Variants in TTN observed in about 807,000 individuals in gnomAD.
The protein encoded by TTN is titin.
Under a neutral mutation model 3,223.0 loss-of-function variants are expected in TTN, and 1,525 were observed. The observed-to-expected ratio is 0.47, with a 90% confidence interval of 0.45 to 0.49. TTN has a LOEUF of 0.49. Among genes scored for constraint, TTN ranks in the 20% least tolerant of loss-of-function variants. The pLI is 0.00. For missense variants in TTN, 40,786 were observed against 43,424.0 expected, an observed-to-expected ratio of 0.94 and a Z score of 5.40; for synonymous variants, 14,094 against 15,161.0, an observed-to-expected ratio of 0.93 and a Z score of 5.17.
intron 270 of TTN, 68 bp downstream of exon 270, chr2:178,610,925 G>T: frequency 1.3e-6 from 2 of 1,575,634 alleles, no homozygotes; most frequent in Non-Finnish European, 8.6e-7. Flanking sequence ...ATTATTAATA[G>T]CACTGCAAAG....
rs1324222809 is a variant in TTN, at chr2:178,534,325, A to G, written c.102290T>C (p.Leu34097Pro). Residue 34097 changes from leucine to proline, a missense_variant, in exon 358 of 363, where the codon CTG becomes CCG. By Grantham distance (98) the Leu-to-Pro change is moderately conservative. Transcript: ENST00000589042. Reference sequence around the variant, plus strand: ...AACCATGTTGAGGTCTTTCTTGATCAGGGTGTGGTAATAACGCCGGTGTTT... The same window carrying G: ...AACCATGTTGAGGTCTTTCTTGATCGGGGTGTGGTAATAACGCCGGTGTTT... ...TLKHRRYYHT[L>P]IKKDLNMVVS... The G allele has an allele frequency of 3.1e-6, 5 of 1,613,378 alleles. No homozygotes were observed. The highest frequency in any genetic ancestry group is 4.2e-6 in the Non-Finnish European group (5 of 1,179,842).
chr2:178,776,108 C>T lies in TTN; in HGVS notation c.5756G>A (p.Gly1919Asp). The change falls in exon 28 of 363, where the codon GGT becomes GAT. Residue 1919 changes from glycine (G) to aspartate (D), a missense_variant. Coordinates refer to ENST00000589042, the MANE Select transcript of TTN (RefSeq NM_001267550.2). ...EVKVTAENPE[G>D]VIEHKVKLEI... ...AAGCTTCACTTTATGCTCTATCACACCTTCAGGATTTTCCGCGGTGACCTT... is the reference window on the plus strand; with the variant it reads ...AAGCTTCACTTTATGCTCTATCACATCTTCAGGATTTTCCGCGGTGACCTT... 4 of 1,614,148 alleles carry T rather than the reference C, an allele frequency of 2.5e-6. No individual in the cohort carries two copies. The highest frequency in any genetic ancestry group is 2.5e-6 in the Non-Finnish European group (3 of 1,180,000).
rs1698391996 is a variant in TTN at position 178,549,292 on chromosome 2, T to A, written c.92334A>T (p.Thr30778=). 1.9e-6 allele frequency: 3 copies of A among 1,613,936 alleles called. No individual in the cohort carries two copies. The highest frequency in any genetic ancestry group is 1.6e-4 in the Middle Eastern group (1 of 6,062). The change falls in exon 339 of 363, where the codon ACA becomes ACT. Residue 30778 remains threonine, a synonymous_variant. Coordinates refer to ENST00000589042, the MANE Select transcript of TTN (RefSeq NM_001267550.2). ...KVISKRPISE[T]RFKVTGLTEG... ...CTGTCAGACCAGTGACTTTGAATCT[T>A]GTTTCAGAGATTGGTCGTTTGCTGA...
At chr2:178,651,382 C>T (rs1317287484) in intron 207 of TTN, 62 bp from the exon 208 acceptor site, 38 of 1,606,314 alleles carry the variant, frequency 2.4e-5, no homozygotes, top group Non-Finnish European at 3.1e-5. Flanking sequence ...ATCACATTTA[C>T]ACAGAACAAA....
chr2:178,557,772 T>G lies in TTN; in HGVS notation c.87582A>C (p.Arg29194Ser), dbSNP rs754456800. 4 of 1,613,988 alleles carry G rather than the reference T, an allele frequency of 2.5e-6. No homozygotes were observed. Among genetic ancestry groups the G allele is most frequent in the Non-Finnish European group, 3.4e-6 (4 of 1,179,848 alleles). Residue 29194 changes from arginine (R) to serine (S), a missense_variant, in exon 328 of 363, where the codon AGA (arginine) becomes AGC (serine). Arg to Ser is a moderately radical substitution (Grantham distance 110, BLOSUM62 -1). Coordinates refer to ENST00000589042, the MANE Select transcript of TTN (RefSeq NM_001267550.2). ...TCAGTTTCATGACTTTCATCATGGT[T>G]CTTGCAACTGTTGCAGACACTTCAG... is the stretch of plus-strand genomic sequence containing the variant. ...VWTEVSATVA[R>S]TMMKVMKLTT...
Position 178,611,011 on chromosome 2 carries a change from T to C in TTN, c.51118A>G (p.Ile17040Val), listed in dbSNP as rs727505039. 4.3e-6 allele frequency: 7 copies of C among 1,612,468 alleles called. No individual in the cohort carries two copies. The Admixed American group carries it at 8.3e-5, about 19-fold the overall frequency. ...TGATTACCTATGACTTTGACATTGA[T>C]TGAGGCTGTTGCTGAGCCGAGCTTA... is the stretch of plus-strand genomic sequence containing the variant. Reference protein sequence around the residue: ...ENKLGSATASINVKVIGLPGP... With the variant: ...ENKLGSATASVNVKVIGLPGP... Residue 17040 changes from isoleucine (I) to valine (V), a missense_variant, in exon 270 of 363, where the codon ATC becomes GTC. By Grantham distance (29) the Ile-to-Val change is conservative. Coordinates refer to ENST00000589042, the MANE Select transcript of TTN (RefSeq NM_001267550.2).
chr2:178,715,893 G>A, intron 88 of TTN, 119 bp from the exon 89 acceptor site: 3 of 968,776 alleles, frequency 3.1e-6, no homozygotes, highest in Non-Finnish European at 4.4e-6. Context: ...ACAAATTTAT[G>A]CAGTTCAAGG....
At chr2:178,538,129 G>GT (rs1282155432) in intron 354 of TTN, 10 of 565,000 alleles carry the variant, frequency 1.8e-5, no homozygotes, top group African/African-American at 1.1e-4. Flanking sequence ...TATGTAGAGT[G>GT]TTTTTTTCTC....
In TTN at chr2:178,714,142, A is replaced by G; in HGVS notation, c.26516T>C (p.Ile8839Thr). The change falls in exon 92 of 363, where the codon ATA becomes ACA. Residue 8839 changes from isoleucine (I) to threonine (T), a missense_variant. By Grantham distance (89) the Ile-to-Thr change is moderately conservative. Transcript: ENST00000589042. ...ACAGGTGTCTCCCGTGGTAACTTTT[A>G]TGGATTCTGGCTTTTCTACAATTGT... is the stretch of plus-strand genomic sequence containing the variant. ...PATIVEKPES[I>T]KVTTGDTCTL... The G allele has an allele frequency of 6.2e-7, 1 of 1,613,204 alleles. No homozygotes were observed. Among genetic ancestry groups the G allele is most frequent in the Non-Finnish European group, 8.5e-7 (1 of 1,179,532 alleles).
rs750672440 is a variant in TTN at position 178,553,684 on chromosome 2, C to T, written c.89321G>A (p.Arg29774Lys). ...AGTCCATTCCTCTTCCTCTCCTTGTCTTATCTCGACAACATACCCAGTAAC... is the reference window on the plus strand; with the variant it reads ...AGTCCATTCCTCTTCCTCTCCTTGTTTTATCTCGACAACATACCCAGTAAC... ...SAVTGYVVEI[R>K]QGEEEEWTTV... The change falls in exon 334 of 363, where the codon AGA becomes AAA. Residue 29774 changes from arginine to lysine, a missense_variant. Coordinates refer to ENST00000589042, the MANE Select transcript of TTN (RefSeq NM_001267550.2). 6.2e-6 allele frequency: 10 copies of T among 1,613,766 alleles called. No homozygotes were observed. The African/African-American group carries it at 1.2e-4, about 19-fold the overall frequency.
chr2:178,768,733 C>T lies in TTN; in HGVS notation c.9103G>A (p.Ala3035Thr), dbSNP rs745745046. ...LNIRNVHFGD[A>T]ADYTFVAGKA... ...CCAGCCACAAAGGTGTAGTCAGCAGCATCCCCAAAGTGAACATTCCTGATG... is the reference window on the plus strand; with the variant it reads ...CCAGCCACAAAGGTGTAGTCAGCAGTATCCCCAAAGTGAACATTCCTGATG... The change falls in exon 38 of 363, where the codon GCT becomes ACT. Residue 3035 changes from alanine (A) to threonine (T), a missense_variant. Physicochemically the swap from Ala to Thr is moderately conservative, Grantham distance 58. Transcript: ENST00000589042. 6.2e-7 allele frequency: 1 copy of T among 1,614,122 alleles called. No homozygotes were observed. The highest frequency in any genetic ancestry group is 1.7e-5 in the Admixed American group (1 of 60,014).
At chr2:178,687,633 GA>G (rs1323102923) in intron 127 of TTN, among the ~76,000 whole-genome samples, 1 of 151,992 alleles carries the variant, frequency 6.6e-6, no homozygotes, top group Non-Finnish European at 1.5e-5. Flanking sequence ...TGACTTAATG[GA>G]TTATAACTTG....
intron 118 of TTN, 56 bp from the exon 119 acceptor site, chr2:178,693,745 A>G (rs1288581970): frequency 1.4e-6 from 2 of 1,384,674 alleles, no homozygotes; most frequent in Admixed American, 2.2e-5. Flanking sequence ...TGGTAATTGT[A>G]ATTTACAAAG....
intron 111 of TTN, 102 bp downstream of exon 111, chr2:178,701,018 C>A: frequency 1.0e-6 from 1 of 969,010 alleles, no homozygotes; most frequent in South Asian, 2.1e-5. Flanking sequence ...GGCAATTCCA[C>A]CTCTTGACCA....
intron 10 of TTN, 131 bp downstream of exon 10, chr2:178,791,939 CAT>C: frequency 1.1e-6 from 1 of 912,782 alleles, no homozygotes; most frequent in Non-Finnish European, 1.6e-6. Flanking sequence ...CAATACTAGA[CAT>C]AGAGGAACAA....
At chr2:178,771,669 G>T (rs1282063349) in intron 33 of TTN, among the ~76,000 whole-genome samples, 198 bp from the exon 34 acceptor site, 1 of 152,168 alleles carries the variant, frequency 6.6e-6, no homozygotes, top group Admixed American at 6.5e-5. Context: ...ATAATTAGGA[G>T]AAATACTGGA....
rs1362226750 is a variant in TTN at position 178,562,179 on chromosome 2, G to A, written c.83953C>T (p.Pro27985Ser). The A allele has an allele frequency of 1.9e-6, 3 of 1,612,806 alleles. No homozygotes were observed. The African/African-American group carries it at 4.0e-5, about 22-fold the overall frequency. ...GTAGCTTGAGGTCTTCCTTTGAATG[G>A]CACATCAATCTTAAGTTGTTCTCTA... The part of the protein sequence containing the change: ...KAREQLKIDV[P>S]FKGRPQATVN... The change falls in exon 326 of 363, where the codon CCA becomes TCA. Residue 27985 changes from proline (P) to serine (S), a missense_variant. By Grantham distance (74) the Pro-to-Ser change is moderately conservative. Coordinates refer to ENST00000589042, the MANE Select transcript of TTN (RefSeq NM_001267550.2).
At position 178,633,537 on chromosome 2, in the gene TTN, T is replaced by G. The variant is rs2060064294; in HGVS notation, c.42822A>C (p.Lys14274Asn). Reference protein sequence around the residue: ...KDGEEIVPSPKYSIKADGLRR... With the variant: ...KDGEEIVPSPNYSIKADGLRR... ...GCAGGCCATCTGCCTTGATAGAATA[T>G]TTGGGTGAAGGGACAATCTCTTCAC... The change falls in exon 232 of 363, where the codon AAA becomes AAC. Residue 14274 changes from lysine to asparagine, a missense_variant. Coordinates refer to ENST00000589042, the MANE Select transcript of TTN (RefSeq NM_001267550.2). The G allele has an allele frequency of 6.2e-7, 1 of 1,613,312 alleles. No homozygotes were observed. Among genetic ancestry groups the G allele is most frequent in the Non-Finnish European group, 8.5e-7 (1 of 1,179,598 alleles).
At position 178,572,084 on chromosome 2, in the gene TTN, T is replaced by G. The variant is rs1708407970; in HGVS notation, c.74048A>C (p.Glu24683Ala). ...AGCTGAAACACGGAAAGAGTATTCT[T>G]CACCCTGAATTAATCCAGTGATAGT... ...EATITGLIQG[E>A]EYSFRVSAQN... Residue 24683 changes from glutamate (E) to alanine (A), a missense_variant, in exon 326 of 363, where the codon GAA becomes GCA. Physicochemically the swap from Glu to Ala is moderately radical, Grantham distance 107. Transcript: ENST00000589042. 2 of 1,613,282 alleles carry G rather than the reference T, an allele frequency of 1.2e-6. No homozygotes were observed. The highest frequency in any genetic ancestry group is 4.5e-5 in the East Asian group (2 of 44,684).
Sources: gnomAD v4.1 joint callset for allele counts (sites outside exome capture counted in the v4.1 genomes callset) on GRCh38, gnomAD v4.1.1 for gene constraint, MANE v1.5 for transcripts, NCBI Gene and HGNC (gene_info 2026-07-23, HGNC 2026-07-21) for gene names.